The following SBF2 variants were observed in gnomAD, a reference collection of about 807,000 sequenced individuals.
SBF2 encodes the protein myotubularin-related protein 13.
A neutral mutation model predicts 225.2 loss-of-function variants in SBF2; 112 were observed. That is an observed-to-expected ratio of 0.50 (90% CI 0.43 to 0.58). The LOEUF (loss-of-function observed/expected upper bound fraction) is 0.58. Among genes scored for constraint, SBF2 ranks in the 20% least tolerant of loss-of-function variants. The pLI, the probability that SBF2 is intolerant of heterozygous loss-of-function variation, is 0.00. For synonymous variants in SBF2, 763 were observed against 773.3 expected, an observed-to-expected ratio of 0.99 and a Z score of 0.22; for missense variants, 1,996 against 2,206.2, an observed-to-expected ratio of 0.90 and a Z score of 1.91.
At chr11:10,240,144 T>A (rs1959188460) in intron 1 of SBF2, among the ~76,000 whole-genome samples, 1 of 151,562 alleles carries the variant, frequency 6.6e-6, no homozygotes, top group Non-Finnish European at 1.5e-5. Context: ...AAGCTAACTA[T>A]ACAGACTTAA....
chr11:10,063,152 G>A (rs1489726735), intron 2 of SBF2, among the ~76,000 whole-genome samples: 1 of 151,850 alleles, frequency 6.6e-6, no homozygotes, highest in Non-Finnish European at 1.5e-5. Context: ...GGAAATAACA[G>A]ACACTGGGGT....
chr11:10,068,050 C>A (rs1950701298), intron 2 of SBF2, among the ~76,000 whole-genome samples: 1 of 152,172 alleles, frequency 6.6e-6, no homozygotes, highest in Admixed American at 6.5e-5. Flanking sequence ...ATAATGAAAT[C>A]ATGAAATGAA....
At chr11:9,839,897 A>G (rs1255861079) in intron 25 of SBF2, among the ~76,000 whole-genome samples, 1 of 152,226 alleles carries the variant, frequency 6.6e-6, no homozygotes, top group African/African-American at 2.4e-5. Context: ...CTGGGATGGT[A>G]GAGACAGATA....
chr11:10,078,126 A>T (rs2134847693), intron 2 of SBF2, among the ~76,000 whole-genome samples: 1 of 152,368 alleles, frequency 6.6e-6, no homozygotes, highest in East Asian at 1.9e-4. Context: ...ATCATTAAAA[A>T]TTCAGGAAAC....
At chr11:10,288,747 G>A (rs1432376150) in intron 1 of SBF2, among the ~76,000 whole-genome samples, 1 of 152,142 alleles carries the variant, frequency 6.6e-6, no homozygotes, top group East Asian at 1.9e-4. Context: ...ACTCCTCTCT[G>A]TAACTGGTTG....
chr11:9,939,099 A>T (rs1272012156), intron 16 of SBF2, among the ~76,000 whole-genome samples: 1 of 146,318 alleles, frequency 6.8e-6, no homozygotes, highest in Non-Finnish European at 1.6e-5. Context: ...TATTTTATTT[A>T]TTTTATTTTA....
intron 1 of SBF2, among the ~76,000 whole-genome samples, chr11:10,234,440 T>G (rs552591103): frequency 6.2e-4 from 95 of 152,358 alleles, no homozygotes; most frequent in African/African-American, 2.1e-3. Flanking sequence ...TAATTTGTTT[T>G]ATAACCATAT....
rs138940960 is a variant in SBF2 at position 9,832,060 on chromosome 11, T to C, written c.3652+164A>G. On this transcript the variant is annotated intron_variant, in intron 27 of 39. Coordinates refer to ENST00000256190, the MANE Select transcript of SBF2 (RefSeq NM_030962.4). ...CAATGTGGAGCCTCACACTATCAAG[T>C]ATAGTTCTTGTTTAAGCTGTACATG... Among the ~76,000 whole-genome samples the C allele has an allele frequency of 1.1e-3, 161 of 152,322 alleles. 4 individuals are homozygous for C. The East Asian group carries it at 0.03, about 28-fold the overall frequency.
In SBF2 at chr11:10,120,768, T is replaced by C. The variant is rs1332497181; in HGVS notation, c.141+73134A>G. Among the ~76,000 whole-genome samples, 11 of 152,110 alleles carry C rather than the reference T, an allele frequency of 7.2e-5. No homozygotes were observed. In the East Asian group the frequency reaches 2.1e-3, roughly 29 times the overall value. On this transcript the variant is annotated intron_variant, in intron 2 of 39. Transcript: ENST00000256190. ...CTGAGTAGCTGGGATTACAGGCGTG[T>C]GCCACCACGCCCAGCTAATTTTTGT...
At chr11:9,995,513 C>T (rs888923847) in intron 9 of SBF2, among the ~76,000 whole-genome samples, 27 of 152,224 alleles carry the variant, frequency 1.8e-4, no homozygotes, top group Non-Finnish European at 3.4e-4. Flanking sequence ...TACAGTGTTG[C>T]CATTTGATTA....
At chr11:9,784,487 A>T in intron 37 of SBF2, 49 bp from the exon 38 acceptor site, 1 of 1,411,546 alleles carries the variant, frequency 7.1e-7, no homozygotes, top group South Asian at 1.2e-5. Context: ...CACTTACAAA[A>T]TGCTGTAAAG....
At chr11:9,922,726 CAGAG>C (rs1484074293) in intron 16 of SBF2, among the ~76,000 whole-genome samples, 3 of 152,212 alleles carry the variant, frequency 2.0e-5, no homozygotes, top group African/African-American at 7.2e-5. Flanking sequence ...TTTTCTGAGA[CAGAG>C]AGAATGAGCT....
At chr11:10,149,108 A>T (rs1477777872) in intron 2 of SBF2, 1 of 152,280 alleles carries the variant, frequency 6.6e-6, no homozygotes, top group Non-Finnish European at 1.5e-5. Context: ...AAATGCTAAT[A>T]ACCAACTCCA....
chr11:9,907,550 C>A (rs1862212298), intron 16 of SBF2, among the ~76,000 whole-genome samples: 1 of 152,158 alleles, frequency 6.6e-6, no homozygotes, highest in Non-Finnish European at 1.5e-5. Flanking sequence ...TATATTTTAA[C>A]ATTAAATAAA....
chr11:10,257,664 CAAAAAAAAAAA>C (rs58743421), intron 1 of SBF2, among the ~76,000 whole-genome samples: 3 of 39,056 alleles, frequency 7.7e-5, no homozygotes, highest in South Asian at 1.4e-3. Context: ...GGCCTTGCCT[CAAAAAAAAAAA>C]AAAAAAAAAA....
intron 2 of SBF2, among the ~76,000 whole-genome samples, chr11:10,053,055 T>G (rs1323877483): frequency 3.3e-5 from 5 of 152,176 alleles, no homozygotes; most frequent in Non-Finnish European, 5.9e-5. Flanking sequence ...GAGGGCATAT[T>G]GTATATATAG....
intron 2 of SBF2, among the ~76,000 whole-genome samples, chr11:10,045,175 T>C: frequency 6.6e-6 from 1 of 151,394 alleles, no homozygotes; most frequent in South Asian, 2.1e-4. Flanking sequence ...GCTTTTCTTT[T>C]TTTTTTTTTT....
At chr11:10,173,408 C>T (rs1956304038) in intron 2 of SBF2, among the ~76,000 whole-genome samples, 1 of 152,206 alleles carries the variant, frequency 6.6e-6, no homozygotes, top group African/African-American at 2.4e-5. Context: ...CAGATGGCAC[C>T]TGGAAAATCA....
chr11:10,007,552 A>G (rs980548559), intron 6 of SBF2, among the ~76,000 whole-genome samples: 1 of 152,220 alleles, frequency 6.6e-6, no homozygotes, highest in African/African-American at 2.4e-5. Flanking sequence ...TCATAGCCCT[A>G]TGAAACAACC....
Sources: allele counts gnomAD v4.1 joint callset (sites outside exome capture counted in the v4.1 genomes callset), GRCh38; gene constraint gnomAD v4.1.1; transcripts MANE v1.5; gene names NCBI Gene and HGNC (gene_info 2026-07-23, HGNC 2026-07-21).